Variants in KAZN observed in about 807,000 individuals in gnomAD.
KAZN encodes kazrin, periplakin interacting protein, also known as kazrin.
Under a neutral mutation model 87.4 loss-of-function variants are expected in KAZN, and 40 were observed. The observed-to-expected ratio is 0.46, with a 90% CI of 0.36 to 0.60. KAZN has a LOEUF of 0.60. Ranked by LOEUF, KAZN falls within the 20% of genes least tolerant of loss-of-function variation. KAZN has a pLI of 0.00. For missense variants in KAZN, 898 were observed against 1,073.9 expected, an observed-to-expected ratio of 0.84 and a Z score of 2.29; for synonymous variants, 466 against 458.3, an observed-to-expected ratio of 1.02 and a Z score of -0.22.
At chr1:14,728,289 TAAAAAAAA>T (rs55745144) in intron 1 of KAZN, among the ~76,000 whole-genome samples, 5 of 29,834 alleles carry the variant, frequency 1.7e-4, no homozygotes, top group African/African-American at 5.3e-4. Context: ...ACCGTATATA[TAAAAAAAA>T]AAAAAAAAAA....
chr1:14,133,333 C>T (rs1965003), intron 1 of KAZN, among the ~76,000 whole-genome samples: 77,589 of 136,544 alleles, frequency 0.57, 23,379 homozygotes, highest in East Asian at 0.77. Context: ...TGCCATTGCA[C>T]TCCAGCCTGG....
At chr1:14,556,661 G>A (rs1237366210) in intron 2 of KAZN, among the ~76,000 whole-genome samples, 1 of 151,838 alleles carries the variant, frequency 6.6e-6, no homozygotes, top group African/African-American at 2.4e-5. Flanking sequence ...TGTCAAACAA[G>A]TAACCATTCA....
chr1:14,987,875 G>A (rs1666984144), intron 2 of KAZN, among the ~76,000 whole-genome samples: 1 of 152,216 alleles, frequency 6.6e-6, no homozygotes. Context: ...CTTCTAGCAG[G>A]ACATATGATA....
chr1:14,808,979 G>A (rs1233406385), intron 1 of KAZN, among the ~76,000 whole-genome samples: 2 of 152,110 alleles, frequency 1.3e-5, no homozygotes, highest in African/African-American at 4.8e-5. Context: ...AGGAAGGGGT[G>A]GTGGTAAAAC....
chr1:14,249,341 T>G (rs1166592723), intron 2 of KAZN, among the ~76,000 whole-genome samples: 2 of 152,202 alleles, frequency 1.3e-5, no homozygotes, highest in Non-Finnish European at 2.9e-5. Flanking sequence ...ACTTTTGAAT[T>G]AAAGAAAAAC....
chr1:14,831,400 G>A (rs1244124927), intron 1 of KAZN, among the ~76,000 whole-genome samples: 1 of 152,102 alleles, frequency 6.6e-6, no homozygotes, highest in Non-Finnish European at 1.5e-5. Flanking sequence ...CTCCCTTCCT[G>A]TACTCTTCCC....
chr1:14,218,120 C>T (rs1348878712), intron 2 of KAZN, among the ~76,000 whole-genome samples: 1 of 152,020 alleles, frequency 6.6e-6, no homozygotes, highest in Non-Finnish European at 1.5e-5. Context: ...ATTGCTAATG[C>T]TGAGTCTGTT....
chr1:14,318,757 C>T lies in KAZN; in HGVS notation c.249+138165C>T, dbSNP rs1250464751. Reference sequence around the variant, plus strand: ...GCTTCATTTGGATAGTTTCTGTGGGCATGTCTTCAAGTTCTCTAACTTTTT... The same window carrying T: ...GCTTCATTTGGATAGTTTCTGTGGGTATGTCTTCAAGTTCTCTAACTTTTT... On this transcript the variant is annotated intron_variant, in intron 2 of 16. Coordinates refer to the KAZN transcript ENST00000636203. 2.0e-5 allele frequency among the ~76,000 whole-genome samples: 3 copies of T among 152,056 alleles called. No homozygotes were observed. In the East Asian group the frequency reaches 5.8e-4, roughly 29 times the overall value.
intron 1 of KAZN, among the ~76,000 whole-genome samples, chr1:13,975,964 T>C (rs1638339053): frequency 6.6e-6 from 1 of 152,248 alleles, no homozygotes; most frequent in South Asian, 2.1e-4. Context: ...TCTGTGTTTT[T>C]GGTGTCTAGG....
chr1:14,433,697 A>C (rs927037636), intron 2 of KAZN, among the ~76,000 whole-genome samples: 1 of 152,146 alleles, frequency 6.6e-6, no homozygotes, highest in African/African-American at 2.4e-5. Context: ...ATCTCTACTA[A>C]AAAATACAAA....
chr1:14,340,977 T>C (rs1003005169), intron 2 of KAZN, among the ~76,000 whole-genome samples: 2 of 133,102 alleles, frequency 1.5e-5, no homozygotes, highest in Non-Finnish European at 3.1e-5. Context: ...AACCTCTGCC[T>C]CCCGGGTTCA....
chr1:14,145,767 G>A (rs909158565), intron 1 of KAZN, among the ~76,000 whole-genome samples: 20 of 152,100 alleles, frequency 1.3e-4, no homozygotes. Flanking sequence ...TTTTAGTAGA[G>A]ACAGGGTTTC....
chr1:14,607,940 A>G (rs750833234), intron 1 of KAZN, among the ~76,000 whole-genome samples: 1 of 152,186 alleles, frequency 6.6e-6, no homozygotes, highest in Admixed American at 6.5e-5. Flanking sequence ...CATTTCCTCA[A>G]TTTACCTTCA....
intron 1 of KAZN, among the ~76,000 whole-genome samples, chr1:14,160,676 T>G (rs1477830803): frequency 6.6e-6 from 1 of 152,226 alleles, no homozygotes; most frequent in Non-Finnish European, 1.5e-5. Flanking sequence ...TTGCACCATC[T>G]TGTTCTGCCC....
At chr1:14,458,622 C>A (rs1251235215) in intron 2 of KAZN, among the ~76,000 whole-genome samples, 3 of 152,142 alleles carry the variant, frequency 2.0e-5, no homozygotes, top group Non-Finnish European at 4.4e-5. Context: ...GGTGCTGGGA[C>A]CTCCACTTAT....
At chr1:13,953,515 C>G (rs1465011873) in intron 1 of KAZN, among the ~76,000 whole-genome samples, 3 of 152,156 alleles carry the variant, frequency 2.0e-5, no homozygotes, top group Non-Finnish European at 4.4e-5. Flanking sequence ...AAATTTCTCC[C>G]ACCAGCCCTT....
chr1:14,906,861 C>T lies in KAZN; in HGVS notation c.227-53823C>T, dbSNP rs369663212. Among the ~76,000 whole-genome samples the T allele has an allele frequency of 9.9e-5, 15 of 151,178 alleles. No homozygotes were observed. The East Asian group carries it at 2.1e-3, about 22-fold the overall frequency. ...CCTCTGATGAATTCTGTTGGGTCCA[C>T]ACCCGCTCCCCGCCTTGTTCCCTAG... On this transcript the variant is annotated intron_variant, in intron 1 of 14. Coordinates refer to ENST00000376030, the MANE Select transcript of KAZN (RefSeq NM_201628.3).
intron 2 of KAZN, among the ~76,000 whole-genome samples, chr1:14,554,805 A>G (rs1673759324): frequency 6.6e-6 from 1 of 152,206 alleles, no homozygotes; most frequent in African/African-American, 2.4e-5. Context: ...CCTAGACCCT[A>G]TAAGTCTTCC....
intron 1 of KAZN, among the ~76,000 whole-genome samples, chr1:14,654,890 C>T (rs1282688049): frequency 6.6e-6 from 1 of 152,208 alleles, no homozygotes; most frequent in African/African-American, 2.4e-5. Context: ...TCACCCAGGT[C>T]TTGGATGGAA....
Sources: gnomAD v4.1 joint callset for allele counts (sites outside exome capture counted in the v4.1 genomes callset) on GRCh38, gnomAD v4.1.1 for gene constraint, MANE v1.5 for transcripts, NCBI Gene and HGNC (gene_info 2026-07-23, HGNC 2026-07-21) for gene names.